The following AOPEP variants were observed in gnomAD, a reference collection of about 807,000 sequenced individuals.
AOPEP encodes the protein aminopeptidase O.
A neutral mutation model predicts 98.1 loss-of-function variants in AOPEP; 77 were observed. The observed-to-expected ratio is 0.78, with a 90% CI of 0.65 to 0.95. The LOEUF (loss-of-function observed/expected upper bound fraction) is 0.95. AOPEP is among the 40% of genes least tolerant of loss of function. AOPEP has a pLI of 0.00. For missense variants in AOPEP, 1,024 were observed against 1,024.7 expected, an observed-to-expected ratio of 1.00 and a Z score of 0.01; for synonymous variants, 346 against 365.3, an observed-to-expected ratio of 0.95 and a Z score of 0.60.
rs571878906 is a variant in AOPEP, at chr9:94,925,534, A to T, written c.1554+1359A>T. 1.3e-5 allele frequency among the ~76,000 whole-genome samples: 2 copies of T among 152,306 alleles called. 1 individual carries two copies. Among genetic ancestry groups the T allele is most frequent in the African/African-American group, 4.8e-5 (2 of 41,574 alleles). ...ACCCTCCTACACACTGTGGGTTCCC[A>T]CAATACTTGGTGCTTACCTTTTTAA... On this transcript the variant is annotated intron_variant, in intron 6 of 16. Coordinates refer to ENST00000375315, the MANE Select transcript of AOPEP (RefSeq NM_001193329.3).
intron 1 of AOPEP, among the ~76,000 whole-genome samples, chr9:94,759,242 A>G (rs1344177089): frequency 6.6e-6 from 1 of 152,232 alleles, no homozygotes; most frequent in East Asian, 1.9e-4. Context: ...GCCTTCATTC[A>G]CACTTGTTAC....
intron 11 of AOPEP, among the ~76,000 whole-genome samples, chr9:95,002,030 C>T (rs937956064): frequency 7.9e-5 from 12 of 151,946 alleles, no homozygotes; most frequent in African/African-American, 2.9e-4. Context: ...CCTCCCACCC[C>T]GGCCTCCCAA....
At chr9:95,003,352 A>T (rs1250938033) in intron 11 of AOPEP, among the ~76,000 whole-genome samples, 2 of 152,174 alleles carry the variant, frequency 1.3e-5, no homozygotes, top group African/African-American at 4.8e-5. Context: ...TTCTTCCAAG[A>T]CTGTATGTTG....
intron 7 of AOPEP, among the ~76,000 whole-genome samples, chr9:94,951,090 G>A (rs1429032821): frequency 6.6e-6 from 1 of 152,244 alleles, no homozygotes; most frequent in Non-Finnish European, 1.5e-5. Context: ...TTGGTGCCAA[G>A]TACAACAGAA....
At chr9:94,923,812 A>G (rs571851873) in intron 5 of AOPEP, among the ~76,000 whole-genome samples, 174 bp from the exon 6 acceptor site, 56 of 152,314 alleles carry the variant, frequency 3.7e-4, no homozygotes, top group Middle Eastern at 3.4e-3. Context: ...AGCCAGAAAC[A>G]TAAACTGCCA....
At chr9:94,877,885 A>C (rs1326026175) in intron 5 of AOPEP, among the ~76,000 whole-genome samples, 2 of 152,228 alleles carry the variant, frequency 1.3e-5, no homozygotes, top group Non-Finnish European at 2.9e-5. Flanking sequence ...TTCATTGGAA[A>C]AGTTAAAGTG....
chr9:95,124,030 G>T, the AOPEP span, among the ~76,000 whole-genome samples: 33,333 of 149,354 alleles, frequency 0.22, 4,775 homozygotes, highest in Non-Finnish European at 0.32. Context: ...CCTGAGCTTG[G>T]GGGGTTGAGA....
chr9:94,917,910 A>T (rs2053062619), intron 5 of AOPEP, among the ~76,000 whole-genome samples: 1 of 151,402 alleles, frequency 6.6e-6, no homozygotes, highest in African/African-American at 2.4e-5. Context: ...TATTTCCCTC[A>T]TCTGCTCCCC....
At chr9:94,859,461 A>G (rs939354551) in intron 5 of AOPEP, among the ~76,000 whole-genome samples, 2 of 152,198 alleles carry the variant, frequency 1.3e-5, no homozygotes, top group African/African-American at 4.8e-5. Flanking sequence ...CAGATAATCT[A>G]GGATAATCTG....
intron 5 of AOPEP, among the ~76,000 whole-genome samples, chr9:94,866,184 G>A (rs999032884): frequency 1.3e-5 from 2 of 152,216 alleles, no homozygotes; most frequent in Admixed American, 6.5e-5. Context: ...GCTCAAGGGG[G>A]AGATGGACAT....
chr9:95,117,180 G>A, the AOPEP span: 1 of 792,232 alleles, frequency 1.3e-6, no homozygotes, highest in Non-Finnish European at 2.2e-6. Context: ...GGATCCTGGG[G>A]GCTTAAAGGG....
At chr9:94,850,417 C>T (rs1441984732) in intron 5 of AOPEP, among the ~76,000 whole-genome samples, 3 of 152,208 alleles carry the variant, frequency 2.0e-5, no homozygotes, top group Non-Finnish European at 4.4e-5. Flanking sequence ...TGACCACTAA[C>T]ATTGAGCCAC....
At chr9:95,095,873 G>A in the AOPEP span, among the ~76,000 whole-genome samples, 3 of 152,248 alleles carry the variant, frequency 2.0e-5, no homozygotes, top group African/African-American at 7.2e-5. Context: ...AGTGGCCGGG[G>A]CTGGACAGGG....
At chr9:95,105,561 A>G in the AOPEP span, among the ~76,000 whole-genome samples, 1 of 152,120 alleles carries the variant, frequency 6.6e-6, no homozygotes, top group Admixed American at 6.5e-5. Flanking sequence ...CCATTTGTGT[A>G]ATTTGGTGGC....
At chr9:95,041,915 AATCATCTATAAAGCAGC>A (rs1173750172) in intron 13 of AOPEP, among the ~76,000 whole-genome samples, 2 of 152,266 alleles carry the variant, frequency 1.3e-5, no homozygotes, top group East Asian at 3.9e-4. Flanking sequence ...CTGAGCCTGA[AATCATCTATAAAGCAGC>A]ACACTTAGGG....
At chr9:94,769,895 G>A (rs920164689) in intron 2 of AOPEP, among the ~76,000 whole-genome samples, 2 of 152,214 alleles carry the variant, frequency 1.3e-5, no homozygotes, top group African/African-American at 4.8e-5. Context: ...GAACTAGATA[G>A]CTAAAGAGGA....
intron 1 of AOPEP, among the ~76,000 whole-genome samples, chr9:94,739,515 G>C (rs957268681): frequency 1.7e-4 from 26 of 152,048 alleles, no homozygotes; most frequent in African/African-American, 6.3e-4. Context: ...CGTGGTGGCA[G>C]GCGCCTGTAA....
rs898444209 is a variant in AOPEP at position 94,985,871 on chromosome 9, G to A, written c.1977+6444G>A. Among the ~76,000 whole-genome samples the A allele has an allele frequency of 2.6e-5, 4 of 152,324 alleles. No individual in the cohort carries two copies. The East Asian group carries it at 7.7e-4, about 29-fold the overall frequency. ...CACCCAAAATGCCTGAGTCATCACA[G>A]TCACTTCCGTTCATCCAAGCACCTG... On this transcript the variant is annotated intron_variant, in intron 11 of 16. Coordinates refer to ENST00000375315, the MANE Select transcript of AOPEP (RefSeq NM_001193329.3).
chr9:95,128,135 G>A, the AOPEP span, among the ~76,000 whole-genome samples: 6 of 152,166 alleles, frequency 3.9e-5, no homozygotes, highest in African/African-American at 1.4e-4. Context: ...ATCTCCTGAT[G>A]CCCAGTCTCA....
Sources: allele counts gnomAD v4.1 joint callset (sites outside exome capture counted in the v4.1 genomes callset), GRCh38; gene constraint gnomAD v4.1.1; transcripts MANE v1.5; gene names NCBI Gene and HGNC (gene_info 2026-07-23, HGNC 2026-07-21).